HECW1: variants seen among roughly 807,000 people sequenced by gnomAD.
HECW1 encodes E3 ubiquitin-protein ligase HECW1.
Under a neutral mutation model 182.3 loss-of-function variants are expected in HECW1, and 61 were observed. The observed-to-expected ratio is 0.33, with a 90% CI of 0.27 to 0.41. HECW1 has a LOEUF of 0.41. HECW1 is among the 10% of genes least tolerant of loss of function. The probability of loss-of-function intolerance (pLI) is 1.00; values close to 1 mark genes in which losing one functional copy is unlikely to be tolerated. For synonymous variants in HECW1, 859 were observed against 832.6 expected (o/e 1.03, Z -0.55); for missense variants, 1,739 against 2,108.9 (o/e 0.82, Z 3.44).
At chr7:43,546,305 A>T (rs2081561144) in intron 26 of HECW1, among the ~76,000 whole-genome samples, 1 of 132,096 alleles carries the variant, frequency 7.6e-6, no homozygotes, top group Non-Finnish European at 1.5e-5. Context: ...CTGGGAGGTT[A>T]TGCATAACAT....
chr7:43,527,947 A>T (rs146886001), intron 24 of HECW1, among the ~76,000 whole-genome samples: 1 of 152,236 alleles, frequency 6.6e-6, no homozygotes, highest in African/African-American at 2.4e-5. Context: ...AGAACTAATG[A>T]CTGAGGCTCA....
intron 5 of HECW1, among the ~76,000 whole-genome samples, chr7:43,331,067 T>C (rs1413639257): frequency 2.0e-5 from 3 of 152,120 alleles, no homozygotes; most frequent in Non-Finnish European, 4.4e-5. Context: ...ACATGTGCCA[T>C]GTTGGTGTGC....
At chr7:43,433,563 G>A (rs539249227) in intron 8 of HECW1, among the ~76,000 whole-genome samples, 29 of 152,328 alleles carry the variant, frequency 1.9e-4, no homozygotes, top group African/African-American at 5.5e-4. Flanking sequence ...AGAAGGGTGC[G>A]TGACCCTGTA....
chr7:43,438,165 CT>C lies in HECW1; in HGVS notation c.944+22del. 1 of 1,605,640 alleles carries C rather than the reference CT, an allele frequency of 6.2e-7. No individual in the cohort carries two copies. The highest frequency in any genetic ancestry group is 8.5e-7 in the Non-Finnish European group (1 of 1,173,774). On this transcript the variant is annotated intron_variant, in intron 9 of 29. Transcript: ENST00000395891. ...CATAGGGTAAACCTGTGACTGAGAT[CT>C]TACTATCACTAGGTTCCCACCAACA...
intron 3 of HECW1, among the ~76,000 whole-genome samples, chr7:43,293,664 A>T (rs1805686600): frequency 6.6e-6 from 1 of 152,170 alleles, no homozygotes; most frequent in Non-Finnish European, 1.5e-5. Flanking sequence ...TGCCTAAAGG[A>T]GTGCTCCAGA....
In HECW1 at chr7:43,127,098, G is replaced by A. The variant is rs556725356; in HGVS notation, c.-32+12707G>A. ...AGAAATGATCAAGCTTAGTGAGGACGGCATGTCAAAAGCCGAGACAAGTCA... is the reference window on the plus strand; with the variant it reads ...AGAAATGATCAAGCTTAGTGAGGACAGCATGTCAAAAGCCGAGACAAGTCA... On this transcript the variant is annotated intron_variant, in intron 2 of 29. Transcript: ENST00000395891. Among the ~76,000 whole-genome samples the A allele has an allele frequency of 1.5e-3, 222 of 152,232 alleles. 1 individual carries two copies. The highest frequency in any genetic ancestry group is 4.3e-3 in the African/African-American group (180 of 41,526).
At chr7:43,500,895 A>G (rs1335715700) in intron 20 of HECW1, 113 bp downstream of exon 20, 1 of 895,082 alleles carries the variant, frequency 1.1e-6, no homozygotes, top group Non-Finnish European at 1.9e-6. Context: ...GTTCTAGAGG[A>G]TTCTAGTAAC....
At position 43,442,560 on chromosome 7, in the gene HECW1, A is replaced by C. The variant is rs373341777; in HGVS notation, c.976A>C (p.Arg326=). The change falls in exon 10 of 30, where the codon AGG becomes CGG. Residue 326 remains arginine, a synonymous_variant. Transcript: ENST00000395891. ...GGTGGTCAGCTACACACTTGGCCGCAGGCTTCCAACAGATCATGTGAGTGG... is the reference window on the plus strand; with the variant it reads ...GGTGGTCAGCTACACACTTGGCCGCCGGCTTCCAACAGATCATGTGAGTGG... ...DRVVSYTLGR[R]LPTDHVSGQL... 4.3e-6 allele frequency: 7 copies of C among 1,613,748 alleles called. No homozygotes were observed. Among genetic ancestry groups the C allele is most frequent in the Non-Finnish European group, 5.1e-6 (6 of 1,179,812 alleles).
intron 6 of HECW1, among the ~76,000 whole-genome samples, chr7:43,390,911 C>T (rs892799747): frequency 3.9e-5 from 6 of 151,998 alleles, no homozygotes; most frequent in Non-Finnish European, 7.4e-5. Context: ...TTTTCCTGGG[C>T]CTTGAAGCAT....
chr7:43,428,060 T>C (rs1178317713), intron 8 of HECW1, among the ~76,000 whole-genome samples: 1 of 152,182 alleles, frequency 6.6e-6, no homozygotes, highest in Non-Finnish European at 1.5e-5. Flanking sequence ...AAGGGGATTA[T>C]ACAGAGTGTG....
At chr7:43,278,266 C>T (rs1475110941) in intron 3 of HECW1, among the ~76,000 whole-genome samples, 1 of 152,152 alleles carries the variant, frequency 6.6e-6, no homozygotes, top group Non-Finnish European at 1.5e-5. Flanking sequence ...CAGCGATTCC[C>T]TCCTTCCTGT....
intron 3 of HECW1, among the ~76,000 whole-genome samples, chr7:43,279,558 T>C (rs76636397): frequency 0.01 from 1,559 of 152,278 alleles, 21 homozygotes; most frequent in African/African-American, 0.036. Flanking sequence ...TCCTTGAACC[T>C]GTTGGGAATT....
At chr7:43,404,369 G>A (rs1407787793) in intron 7 of HECW1, among the ~76,000 whole-genome samples, 1 of 152,184 alleles carries the variant, frequency 6.6e-6, no homozygotes, top group Non-Finnish European at 1.5e-5. Context: ...CCAAAGCTAA[G>A]ATATAAATTC....
At chr7:43,194,894 A>G (rs375586370) in intron 2 of HECW1, among the ~76,000 whole-genome samples, 21 of 152,038 alleles carry the variant, frequency 1.4e-4, no homozygotes, top group African/African-American at 4.8e-4. Flanking sequence ...GGGTTTCACC[A>G]CGTTGGTCAG....
At chr7:43,556,623 G>C (rs1317161807) in intron 29 of HECW1, among the ~76,000 whole-genome samples, 1 of 151,984 alleles carries the variant, frequency 6.6e-6, no homozygotes, top group Non-Finnish European at 1.5e-5. Flanking sequence ...AGGAGGCTGA[G>C]GCTGCAGTGA....
chr7:43,418,367 G>A (rs867909720), intron 8 of HECW1, among the ~76,000 whole-genome samples: 2 of 152,148 alleles, frequency 1.3e-5, no homozygotes, highest in South Asian at 4.1e-4. Context: ...ACTTCTTGAA[G>A]CTATAAGTTT....
chr7:43,229,673 C>T (rs1346311531), intron 2 of HECW1, among the ~76,000 whole-genome samples: 1 of 151,986 alleles, frequency 6.6e-6, no homozygotes, highest in African/African-American at 2.4e-5. Context: ...ATAAAGCGGC[C>T]TCTGATTCAA....
intron 2 of HECW1, among the ~76,000 whole-genome samples, chr7:43,160,208 T>G (rs2152655834): frequency 6.6e-6 from 1 of 152,382 alleles, no homozygotes; most frequent in East Asian, 1.9e-4. Context: ...TTTTATAATT[T>G]AAGATATCCT....
At chr7:43,534,172 T>C (rs577218635) in intron 24 of HECW1, among the ~76,000 whole-genome samples, 55 of 152,310 alleles carry the variant, frequency 3.6e-4, no homozygotes, top group African/African-American at 1.2e-3. Context: ...GTCTTTTCTT[T>C]CACTATCCAA....
Sources: allele counts gnomAD v4.1 joint callset (sites outside exome capture counted in the v4.1 genomes callset), GRCh38; gene constraint gnomAD v4.1.1; transcripts MANE v1.5; gene names NCBI Gene and HGNC (gene_info 2026-07-23, HGNC 2026-07-21).